GSG1L: variants seen among roughly 807,000 people sequenced by gnomAD.
GSG1L encodes the protein germ cell-specific gene 1-like protein.
In GSG1L, 24 loss-of-function variants were observed where a neutral mutation model predicts 42.1. The ratio of observed to expected loss-of-function variants is 0.57; its 90% CI spans 0.41 to 0.80. The LOEUF (loss-of-function observed/expected upper bound fraction) is 0.80. Ranked by LOEUF, GSG1L falls within the 30% of genes least tolerant of loss-of-function variation. The probability of loss-of-function intolerance (pLI) is 0.00; values close to 1 mark genes in which losing one functional copy is unlikely to be tolerated. For synonymous variants in GSG1L, 215 were observed against 203.5 expected, an observed-to-expected ratio of 1.06 and a Z score of -0.48; for missense variants, 445 against 472.2, an observed-to-expected ratio of 0.94 and a Z score of 0.53.
intron 6 of GSG1L, among the ~76,000 whole-genome samples, chr16:27,797,548 C>T (rs1485336957): frequency 3.2e-5 from 4 of 126,834 alleles, no homozygotes; most frequent in East Asian, 4.7e-4. Flanking sequence ...AAGGGCCGGG[C>T]GCGGTGGCTC....
At chr16:27,823,181 G>A (rs1189111035) in intron 5 of GSG1L, among the ~76,000 whole-genome samples, 4 of 152,130 alleles carry the variant, frequency 2.6e-5, no homozygotes, top group Non-Finnish European at 5.9e-5. Context: ...AGGAGGGGAC[G>A]ACAGGCAGGG....
intron 1 of GSG1L, among the ~76,000 whole-genome samples, chr16:28,052,422 C>T (rs1235788945): frequency 1.3e-5 from 2 of 152,168 alleles, no homozygotes; most frequent in African/African-American, 4.8e-5. Context: ...TGCCACCCTG[C>T]TGGCCCCAGG....
intron 3 of GSG1L, among the ~76,000 whole-genome samples, chr16:27,879,424 A>T (rs1028959906): frequency 6.6e-6 from 1 of 152,148 alleles, no homozygotes; most frequent in African/African-American, 2.4e-5. Context: ...GGGCCAATAT[A>T]GCAAGACCTC....
chr16:28,037,496 C>T (rs2086054002), intron 1 of GSG1L, among the ~76,000 whole-genome samples: 1 of 152,216 alleles, frequency 6.6e-6, no homozygotes. Flanking sequence ...AACACAAATG[C>T]TTCAGGTGGT....
chr16:27,930,871 T>C (rs1356252192), intron 2 of GSG1L, among the ~76,000 whole-genome samples: 5 of 152,166 alleles, frequency 3.3e-5, no homozygotes, highest in Non-Finnish European at 7.3e-5. Context: ...ACTACAGACA[T>C]GCACCACATG....
chr16:28,063,118 T>C lies in GSG1L; in HGVS notation c.307A>G (p.Thr103Ala). 6.9e-7 allele frequency: 1 copy of C among 1,440,194 alleles called. No individual in the cohort carries two copies. 89.2% of individuals were successfully genotyped at this position (1,440,194 alleles called of 1,614,324 possible). A position where few individuals can be genotyped will look rare whatever the true frequency, so the allele number is the denominator to read the frequency against. The change falls in exon 1 of 7, where the codon ACC (threonine) becomes GCC (alanine). Residue 103 changes from threonine to alanine, a missense_variant. Thr to Ala is a moderately conservative substitution (Grantham distance 58). Transcript: ENST00000447459. This position sits in a 1 kb window ranked among gnomAD's most constrained non-coding sequence, Gnocchi z 5.8. ...DDRFLFRNFH[T>A]GIWYSCEEEL... ...TCCTCGCACGAGTACCAGATGCCGG[T>C]GTGGAAATTCCTGAAGAGGAAGCGG...
intron 4 of GSG1L, among the ~76,000 whole-genome samples, chr16:27,843,092 G>C (rs892343136): frequency 8.5e-5 from 13 of 152,172 alleles, no homozygotes; most frequent in African/African-American, 3.1e-4. Flanking sequence ...TGCATCCCGA[G>C]CACCTAGAAG....
At chr16:27,888,462 TTCTCTC>T (rs376201128) in intron 2 of GSG1L, among the ~76,000 whole-genome samples, 13,767 of 37,816 alleles carry the variant, frequency 0.36, 2,306 homozygotes, top group Admixed American at 0.48. Flanking sequence ...CTTTCTTTCT[TTCTCTC>T]TCTCTCTCTC....
intron 2 of GSG1L, among the ~76,000 whole-genome samples, chr16:27,889,678 C>G (rs1005799242): frequency 1.3e-5 from 2 of 152,142 alleles, no homozygotes; most frequent in African/African-American, 4.8e-5. Context: ...TGAGCTGTGA[C>G]CCACACTACA....
chr16:27,865,860 G>A (rs1317075231), intron 3 of GSG1L, among the ~76,000 whole-genome samples: 1 of 151,456 alleles, frequency 6.6e-6, no homozygotes, highest in African/African-American at 2.4e-5. Context: ...ACTATGCCCG[G>A]CTAATTTTTT....
rs539377057 is a variant in GSG1L, at chr16:27,905,319, CTTTTT to C, written c.398-20686_398-20682del. Among the ~76,000 whole-genome samples, 59 of 132,612 alleles carry C rather than the reference CTTTTT, an allele frequency of 4.4e-4. 1 individual carries two copies. Among genetic ancestry groups the C allele is most frequent in the Admixed American group, 1.3e-3 (17 of 12,994 alleles). 87.0% of individuals were successfully genotyped at this position (132,612 alleles called of 152,430 possible). A position where few individuals can be genotyped will look rare whatever the true frequency, so the allele number is the denominator to read the frequency against. On this transcript the variant is annotated intron_variant, in intron 2 of 6. Coordinates refer to ENST00000447459, the MANE Select transcript of GSG1L (RefSeq NM_001109763.2). ...AATGCTATTCCGTTCATGCCAGAAT[CTTTTT>C]TTTTTTTTTTTTTTTAAAGCGACAG...
At chr16:27,931,095 TG>T (rs1303404742) in intron 2 of GSG1L, among the ~76,000 whole-genome samples, 1 of 152,212 alleles carries the variant, frequency 6.6e-6, no homozygotes, top group Non-Finnish European at 1.5e-5. Context: ...AAGAACTTGG[TG>T]ATGACTTTGC....
chr16:28,047,085 G>A (rs1051758532), intron 1 of GSG1L, among the ~76,000 whole-genome samples: 1 of 152,080 alleles, frequency 6.6e-6, no homozygotes, highest in African/African-American at 2.4e-5. Context: ...CATATCTTGC[G>A]TTCAAAGCCA....
intron 3 of GSG1L, among the ~76,000 whole-genome samples, chr16:27,851,423 T>C (rs959710819): frequency 1.3e-5 from 2 of 152,062 alleles, no homozygotes; most frequent in Non-Finnish European, 2.9e-5. Context: ...CTTGAACTCC[T>C]GGCCTCAAGA....
At chr16:27,901,677 A>AT (rs1312773644) in intron 2 of GSG1L, among the ~76,000 whole-genome samples, 1 of 152,216 alleles carries the variant, frequency 6.6e-6, no homozygotes, top group African/African-American at 2.4e-5. Flanking sequence ...TGCACGGGCC[A>AT]TTTTATGAGA....
chr16:27,828,808 T>C lies in GSG1L; in HGVS notation c.811A>G (p.Ile271Val). The C allele has an allele frequency of 1.9e-6, 3 of 1,614,112 alleles. No homozygotes were observed. The highest frequency in any genetic ancestry group is 2.5e-6 in the Non-Finnish European group (3 of 1,179,964). The part of the protein sequence containing the change: ...EEPTFIDPEA[I>V]KYFRERMEKR... Reference sequence around the variant, plus strand: ...ACTGACCTCTCCCGGAAGTACTTGATGGCCTCAGGGTCTATGAAGGTCGGC... The same window carrying C: ...ACTGACCTCTCCCGGAAGTACTTGACGGCCTCAGGGTCTATGAAGGTCGGC... The change falls in exon 5 of 7, where the codon ATC (isoleucine) becomes GTC (valine). Residue 271 changes from isoleucine (I) to valine (V), a missense_variant. Ile to Val is a conservative substitution (Grantham distance 29). Transcript: ENST00000447459.
intron 1 of GSG1L, among the ~76,000 whole-genome samples, chr16:28,022,730 C>A (rs1234587546): frequency 6.6e-6 from 1 of 152,066 alleles, no homozygotes; most frequent in African/African-American, 2.4e-5. Flanking sequence ...TGCAGTGGTG[C>A]AATCTCGGCT....
chr16:27,979,733 A>AAGAAAAAG (rs1555512114), intron 1 of GSG1L, among the ~76,000 whole-genome samples: 1 of 65,328 alleles, frequency 1.5e-5, no homozygotes, highest in Non-Finnish European at 3.3e-5. Context: ...GAAGGAAAGA[A>AAGAAAAAG]AAAGAAAGAA....
At chr16:28,044,033 CA>C (rs113923995) in intron 1 of GSG1L, among the ~76,000 whole-genome samples, 2,628 of 150,898 alleles carry the variant, frequency 0.017, 64 homozygotes, top group African/African-American at 0.051. Context: ...AAAAAACAAA[CA>C]AAAAAAAACT....
Sources: allele counts gnomAD v4.1 joint callset (sites outside exome capture counted in the v4.1 genomes callset), GRCh38; gene constraint gnomAD v4.1.1; non-coding constraint Gnocchi (gnomAD v3.1); transcripts MANE v1.5; gene names NCBI Gene and HGNC (gene_info 2026-07-23, HGNC 2026-07-21).